Variants in SLC2A13 observed in about 807,000 individuals in gnomAD.
SLC2A13 encodes solute carrier family 2 member 13, also known as proton myo-inositol cotransporter.
A neutral mutation model predicts 64.4 loss-of-function variants in SLC2A13; 32 were observed. The ratio of observed to expected loss-of-function variants is 0.50; its 90% CI spans 0.37 to 0.67. SLC2A13 has a LOEUF of 0.67. Ranked by LOEUF, SLC2A13 falls within the 30% of genes least tolerant of loss-of-function variation. The pLI is 0.00. For synonymous variants in SLC2A13, 338 were observed against 327.1 expected (o/e 1.03, Z -0.36); for missense variants, 743 against 829.2 (o/e 0.90, Z 1.28).
chr12:40,042,730 C>A (rs1002790809), intron 2 of SLC2A13, among the ~76,000 whole-genome samples: 12 of 151,798 alleles, frequency 7.9e-5, no homozygotes, highest in African/African-American at 2.9e-4. Context: ...AGTAAAAGGT[C>A]AATGACATTC....
chr12:39,977,047 T>G (rs998539024), intron 3 of SLC2A13, among the ~76,000 whole-genome samples: 5 of 152,144 alleles, frequency 3.3e-5, no homozygotes, highest in Non-Finnish European at 7.4e-5. Flanking sequence ...GCTAAATGAC[T>G]GGATTTCATA....
chr12:39,920,316 G>A (rs185879586), intron 4 of SLC2A13, among the ~76,000 whole-genome samples: 1 of 152,178 alleles, frequency 6.6e-6, no homozygotes, highest in Admixed American at 6.5e-5. Flanking sequence ...AGAAAACCTA[G>A]CACATTGTTC....
chr12:40,009,771 A>G (rs1451058943), intron 3 of SLC2A13, among the ~76,000 whole-genome samples: 1 of 152,162 alleles, frequency 6.6e-6, no homozygotes, highest in Non-Finnish European at 1.5e-5. Flanking sequence ...AAGAGGCCAG[A>G]ACTCTGCTCT....
In SLC2A13 at chr12:39,759,187, A is replaced by G. The variant is rs1940048604; in HGVS notation, c.*839T>C. ...CCTGATATACAGTTAAAGATCTGGC[A>G]CTATTTTGCATTTATAATTGCATAC... On this transcript the variant is annotated 3_prime_UTR_variant, in exon 10 of 10. Transcript: ENST00000280871. 1 of 152,528 alleles carries G rather than the reference A, an allele frequency of 6.6e-6. No homozygotes were observed. The highest frequency in any genetic ancestry group is 2.1e-4 in the South Asian group (1 of 4,834). The allele number at this position is 152,528 out of a possible 1,614,324, so 9.4% of individuals were successfully genotyped here.
chr12:39,992,216 G>T (rs1401422199), intron 3 of SLC2A13, among the ~76,000 whole-genome samples: 2 of 152,068 alleles, frequency 1.3e-5, no homozygotes, highest in Non-Finnish European at 2.9e-5. Flanking sequence ...GAGGACAAAG[G>T]GGCGATTAAG....
At chr12:39,836,529 G>C (rs1222714594) in intron 6 of SLC2A13, among the ~76,000 whole-genome samples, 1 of 151,470 alleles carries the variant, frequency 6.6e-6, no homozygotes, top group Admixed American at 6.6e-5. Flanking sequence ...TATTCAATTA[G>C]GAAAAGAGGA....
intron 3 of SLC2A13, among the ~76,000 whole-genome samples, chr12:39,986,247 T>C (rs1168549204): frequency 4.6e-5 from 7 of 152,014 alleles, no homozygotes; most frequent in Non-Finnish European, 1.5e-5. Context: ...AGGATTTCAA[T>C]ATATGAATTG....
intron 6 of SLC2A13, among the ~76,000 whole-genome samples, chr12:39,845,157 T>G (rs2135882722): frequency 6.6e-6 from 1 of 152,192 alleles, no homozygotes; most frequent in East Asian, 1.9e-4. Flanking sequence ...CACGTTGCCT[T>G]TAATATATTT....
rs1248357261 is a variant in SLC2A13 at position 39,864,635 on chromosome 12, T to C, written c.1319+127A>G. 2.3e-6 allele frequency: 3 copies of C among 1,292,066 alleles called. No homozygotes were observed. In the Admixed American group the frequency reaches 7.0e-5, roughly 30 times the overall value. The allele number at this position is 1,292,066 out of a possible 1,614,324, so 80.0% of individuals were successfully genotyped here. A position where few individuals can be genotyped will look rare whatever the true frequency, so the allele number is the denominator to read the frequency against. On this transcript the variant is annotated intron_variant, in intron 6 of 9. Transcript: ENST00000280871. ...CCTCTCTACCACCTTTCCCATTTTC[T>C]TCCCTTCTTACATAAGCCTGGATGC... is the stretch of plus-strand genomic sequence containing the variant.
At chr12:39,823,171 TA>T (rs566868547) in intron 7 of SLC2A13, among the ~76,000 whole-genome samples, 1 of 152,148 alleles carries the variant, frequency 6.6e-6, no homozygotes, top group African/African-American at 2.4e-5. Context: ...AGCAGTAACA[TA>T]AAAAAGTATA....
At chr12:39,769,720 G>C (rs1332647811) in intron 7 of SLC2A13, among the ~76,000 whole-genome samples, 6 of 151,570 alleles carry the variant, frequency 4.0e-5, no homozygotes, top group Non-Finnish European at 7.4e-5. Flanking sequence ...CTTCCCTTCT[G>C]TCTACAATAC....
intron 2 of SLC2A13, 62 bp downstream of exon 2, chr12:40,047,989 A>G: frequency 1.3e-6 from 2 of 1,484,308 alleles, no homozygotes; most frequent in Non-Finnish European, 9.1e-7. Context: ...TGATTTCTCA[A>G]TTTTTCTCCC....
At position 39,813,024 on chromosome 12, in the gene SLC2A13, T is replaced by A. The variant is rs199499716; in HGVS notation, c.1445+17079A>T. ...TTTTTTTTTTTTTTTTTTTTTTTTT[T>A]AGTAGAGATGGGGTTTCACCATGTT... is the stretch of plus-strand genomic sequence containing the variant. On this transcript the variant is annotated intron_variant, in intron 7 of 9. Coordinates refer to ENST00000280871, the MANE Select transcript of SLC2A13 (RefSeq NM_052885.4). 5.2e-5 allele frequency among the ~76,000 whole-genome samples: 7 copies of A among 134,978 alleles called. No individual in the cohort carries two copies. The East Asian group carries it at 1.5e-3, about 30-fold the overall frequency. The allele number at this position is 134,978 out of a possible 152,430, so 88.6% of individuals were successfully genotyped here.
chr12:39,830,282 A>G (rs1942815339), intron 6 of SLC2A13, 54 bp from the exon 7 acceptor site: 2 of 1,578,038 alleles, frequency 1.3e-6, no homozygotes, highest in Non-Finnish European at 1.7e-6. Context: ...GGTGCTCACC[A>G]TATACTGGAT....
chr12:40,028,555 C>A (rs752409600), intron 2 of SLC2A13, 46 bp from the exon 3 acceptor site: 17 of 1,584,242 alleles, frequency 1.1e-5, no homozygotes, highest in Non-Finnish European at 1.4e-5. Context: ...TTGCTCTTAC[C>A]ATCATGTGCT....
At chr12:39,922,639 A>T (rs933836571) in intron 4 of SLC2A13, among the ~76,000 whole-genome samples, 4 of 152,168 alleles carry the variant, frequency 2.6e-5, no homozygotes, top group Non-Finnish European at 4.4e-5. Context: ...ATACAATACA[A>T]TGACTTTTTG....
intron 7 of SLC2A13, among the ~76,000 whole-genome samples, chr12:39,806,039 A>C (rs763058990): frequency 6.6e-6 from 1 of 152,218 alleles, no homozygotes; most frequent in Non-Finnish European, 1.5e-5. Context: ...CTACCAGAAA[A>C]AGCTTACAGT....
At chr12:39,854,358 T>C (rs183284578) in intron 6 of SLC2A13, among the ~76,000 whole-genome samples, 17 of 152,290 alleles carry the variant, frequency 1.1e-4, no homozygotes, top group Non-Finnish European at 7.4e-5. Context: ...ACAGAAACTA[T>C]TATTATTTTA....
chr12:40,079,158 T>C (rs965398375), intron 1 of SLC2A13, among the ~76,000 whole-genome samples: 1 of 152,212 alleles, frequency 6.6e-6, no homozygotes, highest in Non-Finnish European at 1.5e-5. Flanking sequence ...TATTTTCTTT[T>C]GCTAGCTTTA....
Sources: allele counts gnomAD v4.1 joint callset (sites outside exome capture counted in the v4.1 genomes callset), GRCh38; gene constraint gnomAD v4.1.1; transcripts MANE v1.5; gene names NCBI Gene and HGNC (gene_info 2026-07-23, HGNC 2026-07-21).